The following TMIGD3 variants were observed in gnomAD, a reference collection of about 807,000 sequenced individuals.
The protein encoded by TMIGD3 is transmembrane and immunoglobulin domain containing 3.
TMIGD3 carries 21 observed loss-of-function variants against 28.1 expected under a neutral mutation model. The observed-to-expected ratio is 0.75, with a 90% CI of 0.53 to 1.08. The LOEUF is 1.08. Ranked by LOEUF, TMIGD3 falls within the 50% of genes least tolerant of loss-of-function variation. The pLI, the probability that TMIGD3 is intolerant of heterozygous loss-of-function variation, is 0.00. For missense variants in TMIGD3, 416 were observed against 435.6 expected, an observed-to-expected ratio of 0.96 and a Z score of 0.40; for synonymous variants, 151 against 162.1, an observed-to-expected ratio of 0.93 and a Z score of 0.52.
intron 1 of TMIGD3, chr1:111,500,103 G>A: frequency 1.2e-6 from 2 of 1,614,170 alleles, no homozygotes; most frequent in Admixed American, 1.7e-5. Context: ...GGGACAGCAG[G>A]ATGCCCATGT....
At chr1:111,505,096 G>A (rs2100987818), upstream of TMIGD3, 1 of 381,102 alleles carries the variant, frequency 2.6e-6, no homozygotes, top group Non-Finnish European at 3.3e-6. Flanking sequence ...AAGTTACCAA[G>A]AGAAATTTCT....
intron 1 of TMIGD3, among the ~76,000 whole-genome samples, chr1:111,529,338 G>T (rs1258587720): frequency 6.6e-6 from 1 of 151,226 alleles, no homozygotes; most frequent in African/African-American, 2.4e-5. Context: ...AAGAACCATT[G>T]TCAACCCCAT....
chr1:111,558,177 A>AT (rs1657579832), intron 1 of TMIGD3, among the ~76,000 whole-genome samples: 1 of 151,864 alleles, frequency 6.6e-6, no homozygotes, highest in African/African-American at 2.4e-5. Context: ...CAATATGGAA[A>AT]TTTTTTTCTT....
intron 1 of TMIGD3, chr1:111,500,476 G>A: frequency 6.2e-7 from 1 of 1,614,184 alleles, no homozygotes; most frequent in South Asian, 1.1e-5. Flanking sequence ...AAACATGGGG[G>A]TCAATCCCAC....
Position 111,502,887 on chromosome 1 carries a change from C to T in TMIGD3, c.350+118G>A, listed in dbSNP as rs910786492. ...ATATCACAAAAAGACACTTATTGCCCTCTTTCAACATCAAGGGCCAATTTG... is the reference window on the plus strand; with the variant it reads ...ATATCACAAAAAGACACTTATTGCCTTCTTTCAACATCAAGGGCCAATTTG... On this transcript the variant is annotated intron_variant, in intron 1 of 5. Coordinates refer to ENST00000369716, the MANE Select transcript of TMIGD3 (RefSeq NM_020683.7). 8 of 1,299,858 alleles carry T rather than the reference C, an allele frequency of 6.2e-6. No homozygotes were observed. The Admixed American group carries it at 7.4e-5, about 12-fold the overall frequency. The allele number at this position is 1,299,858 out of a possible 1,614,324, so 80.5% of individuals were successfully genotyped here.
chr1:111,536,637 C>T (rs1301661924), intron 1 of TMIGD3, among the ~76,000 whole-genome samples: 1 of 152,106 alleles, frequency 6.6e-6, no homozygotes, highest in Non-Finnish European at 1.5e-5. Flanking sequence ...AATGATAAAC[C>T]ATTTTTTTTG....
chr1:111,511,973 G>C (rs534340415), intron 1 of TMIGD3, among the ~76,000 whole-genome samples: 21 of 151,572 alleles, frequency 1.4e-4, no homozygotes, highest in Non-Finnish European at 2.4e-4. Flanking sequence ...ACACCAGAGG[G>C]AACGGAGGCC....
intron 1 of TMIGD3, among the ~76,000 whole-genome samples, chr1:111,522,232 C>T (rs1462548394): frequency 1.3e-5 from 2 of 152,110 alleles, no homozygotes; most frequent in African/African-American, 4.8e-5. Context: ...GTTGTTTTGG[C>T]TATTCTAGGT....
At chr1:111,496,733 G>A (rs998069940) in intron 1 of TMIGD3, among the ~76,000 whole-genome samples, 3 of 152,128 alleles carry the variant, frequency 2.0e-5, no homozygotes, top group Admixed American at 6.5e-5. Context: ...GCTTAAGTTC[G>A]TGTTTTTATG....
intron 1 of TMIGD3, among the ~76,000 whole-genome samples, chr1:111,495,720 G>A (rs960413058): frequency 1.7e-4 from 26 of 152,108 alleles, no homozygotes; most frequent in Admixed American, 1.2e-3. Context: ...ACATACATGT[G>A]TATGTTCACA....
At chr1:111,556,790 CT>C (rs1657508114) in intron 1 of TMIGD3, among the ~76,000 whole-genome samples, 1 of 151,960 alleles carries the variant, frequency 6.6e-6, no homozygotes, top group Non-Finnish European at 1.5e-5. Flanking sequence ...CTCTGGGAAG[CT>C]TTTTAAAAAG....
chr1:111,528,367 G>A (rs546759236), intron 1 of TMIGD3, among the ~76,000 whole-genome samples: 3 of 152,254 alleles, frequency 2.0e-5, no homozygotes, highest in African/African-American at 7.2e-5. Context: ...CTGTTCCACT[G>A]ATCTACTTGT....
At chr1:111,513,918 G>A (rs1280641925) in intron 1 of TMIGD3, among the ~76,000 whole-genome samples, 1 of 152,234 alleles carries the variant, frequency 6.6e-6, no homozygotes, top group African/African-American at 2.4e-5. Flanking sequence ...GCATCCCCTA[G>A]TTGGGGTGCG....
At chr1:111,529,965 A>C (rs1366887427) in intron 1 of TMIGD3, among the ~76,000 whole-genome samples, 3 of 73,534 alleles carry the variant, frequency 4.1e-5, no homozygotes, top group African/African-American at 1.1e-4. Context: ...GGCGCCCCTC[A>C]CCTCCCGGAT....
intron 1 of TMIGD3, 35 bp from the exon 2 acceptor site, chr1:111,490,797 A>G (rs1159476960): frequency 6.6e-7 from 1 of 1,515,878 alleles, no homozygotes; most frequent in Admixed American, 1.7e-5. Flanking sequence ...TGAGCTTAAT[A>G]TGGCTTTATC....
chr1:111,507,633 G>A (rs1224686248), upstream of TMIGD3, among the ~76,000 whole-genome samples: 1 of 152,230 alleles, frequency 6.6e-6, no homozygotes, highest in Admixed American at 6.5e-5. Flanking sequence ...CCCTAGAGCT[G>A]GTCCACGGGC....
chr1:111,517,363 T>C (rs982256726), intron 1 of TMIGD3, among the ~76,000 whole-genome samples: 9 of 150,898 alleles, frequency 6.0e-5, no homozygotes, highest in Non-Finnish European at 1.2e-4. Context: ...GGACTGCTCC[T>C]GTTAATTGCA....
upstream of TMIGD3, among the ~76,000 whole-genome samples, chr1:111,504,340 C>A (rs1655399738): frequency 1.3e-5 from 2 of 152,200 alleles, no homozygotes; most frequent in African/African-American, 4.8e-5. Flanking sequence ...GGGAAAAGAA[C>A]GTGTGCAACA....
chr1:111,527,077 C>T (rs1250659109), intron 1 of TMIGD3, among the ~76,000 whole-genome samples: 1 of 116,464 alleles, frequency 8.6e-6, no homozygotes, highest in African/African-American at 3.3e-5. Context: ...GTGGTGTGAT[C>T]TCGGCTTATT....
Sources: gnomAD v4.1 joint callset for allele counts (sites outside exome capture counted in the v4.1 genomes callset) on GRCh38, gnomAD v4.1.1 for gene constraint, MANE v1.5 for transcripts, NCBI Gene and HGNC (gene_info 2026-07-23, HGNC 2026-07-21) for gene names.